The following MSR1 variants were observed in gnomAD, a reference collection of about 807,000 sequenced individuals.
MSR1 encodes macrophage scavenger receptor 1, also known as macrophage scavenger receptor types I and II.
Under a neutral mutation model 47.2 loss-of-function variants are expected in MSR1, and 53 were observed. That is an observed-to-expected ratio of 1.12 (90% CI 0.90 to 1.41). The LOEUF is 1.41. Ranked by LOEUF, MSR1 falls within the 40% of genes most tolerant of loss-of-function variation. MSR1 has a pLI of 0.00. For synonymous variants in MSR1, 239 were observed against 185.6 expected, an observed-to-expected ratio of 1.29 and a Z score of -2.34; for missense variants, 786 against 546.9, an observed-to-expected ratio of 1.44 and a Z score of -4.36.
chr8:16,130,272 A>G (rs79056463), intron 8 of MSR1, among the ~76,000 whole-genome samples: 14,781 of 152,046 alleles, frequency 0.097, 1,093 homozygotes, highest in South Asian at 0.21. Context: ...CAGATTGAAA[A>G]TTTGTGGTAA....
At chr8:16,170,224 T>G (rs1638383160) in intron 3 of MSR1, among the ~76,000 whole-genome samples, 1 of 151,930 alleles carries the variant, frequency 6.6e-6, no homozygotes, top group Non-Finnish European at 1.5e-5. Flanking sequence ...GGCGGGCGCC[T>G]GCAGGCCCAT....
Position 16,143,650 on chromosome 8 carries a change from C to A in MSR1, c.980-39G>T, listed in dbSNP as rs778532427. On this transcript the variant is annotated intron_variant, in intron 7 of 9. Coordinates refer to ENST00000262101, the MANE Select transcript of MSR1 (RefSeq NM_138715.3). Reference sequence around the variant, plus strand: ...GAAAAATATTTGTTTTTAATCAGGGCAATTCACAATGTTTGCTTTAACTGG... The same window carrying A: ...GAAAAATATTTGTTTTTAATCAGGGAAATTCACAATGTTTGCTTTAACTGG... 11 of 1,511,116 alleles carry A rather than the reference C, an allele frequency of 7.3e-6. No homozygotes were observed. In the Middle Eastern group the frequency reaches 5.2e-4, roughly 71 times the overall value. The allele number at this position is 1,511,116 out of a possible 1,614,324, so 93.6% of individuals were successfully genotyped here.
rs41341748 is a variant in MSR1, at chr8:16,155,085, G to C, written c.877C>G (p.Arg293Gly). ...ATACCTATTGGACCTGGAAATCCTCGTGGACCACTTTCTCCAGTGGGACCT... is the reference window on the plus strand; with the variant it reads ...ATACCTATTGGACCTGGAAATCCTCCTGGACCACTTTCTCCAGTGGGACCT... ...DRGPTGESGPRGFPGPIGPPG... is the reference protein window; with the variant it reads ...DRGPTGESGPGGFPGPIGPPG... Residue 293 changes from arginine (R) to glycine (G), a missense_variant, in exon 6 of 10, where the codon CGA becomes GGA. Physicochemically the swap from Arg to Gly is moderately radical, Grantham distance 125. Coordinates refer to ENST00000262101, the MANE Select transcript of MSR1 (RefSeq NM_138715.3). 18 of 1,611,812 alleles carry C rather than the reference G, an allele frequency of 1.1e-5. No homozygotes were observed. In the African/African-American group the frequency reaches 2.0e-4, roughly 18 times the overall value.
chr8:16,187,966 A>AT (rs1304358947), intron 1 of MSR1, among the ~76,000 whole-genome samples: 15 of 152,182 alleles, frequency 9.9e-5, no homozygotes. Context: ...ATGAGCCTTC[A>AT]TTAGCAGGCA....
At chr8:16,186,099 G>T in intron 1 of MSR1, 1 of 1,355,178 alleles carries the variant, frequency 7.4e-7, no homozygotes, top group Non-Finnish European at 1.0e-6. Flanking sequence ...AAGATTGGCA[G>T]TAATAAATGT....
At chr8:16,129,801 A>G (rs948199722) in intron 8 of MSR1, among the ~76,000 whole-genome samples, 1 of 152,080 alleles carries the variant, frequency 6.6e-6, no homozygotes, top group Non-Finnish European at 1.5e-5. Context: ...TCCAGAGACG[A>G]TCGGCTGAAG....
intron 4 of MSR1, 108 bp from the exon 5 acceptor site, chr8:16,164,359 G>A (rs1216552003): frequency 4.8e-6 from 4 of 840,156 alleles, no homozygotes; most frequent in Admixed American, 4.5e-5. Flanking sequence ...TATTATGGGA[G>A]TTTTATGGAA....
chr8:16,176,171 A>G (rs566244646), intron 2 of MSR1, among the ~76,000 whole-genome samples: 1 of 152,332 alleles, frequency 6.6e-6, no homozygotes, highest in South Asian at 2.1e-4. Context: ...TTTTTATTTT[A>G]AGGTATTGAA....
At chr8:16,111,824 C>T (rs938720643) in intron 9 of MSR1, among the ~76,000 whole-genome samples, 14 of 152,108 alleles carry the variant, frequency 9.2e-5, no homozygotes, top group African/African-American at 3.1e-4. Flanking sequence ...GTTGAGGAAA[C>T]TGAAAATCAG....
At chr8:16,158,147 T>G (rs1224113503) in intron 5 of MSR1, among the ~76,000 whole-genome samples, 7 of 151,984 alleles carry the variant, frequency 4.6e-5, no homozygotes, top group Non-Finnish European at 7.4e-5. Context: ...AATATATGAT[T>G]TATTCTAGTT....
chr8:16,189,388 C>T (rs1397186560), intron 1 of MSR1, among the ~76,000 whole-genome samples: 5 of 96,590 alleles, frequency 5.2e-5, no homozygotes, highest in South Asian at 3.3e-4. Flanking sequence ...TATATAAAAT[C>T]TTATTTTATA....
intron 5 of MSR1, among the ~76,000 whole-genome samples, chr8:16,158,318 TA>T (rs1801066096): frequency 6.6e-6 from 1 of 151,940 alleles, no homozygotes. Flanking sequence ...GATTACTTCT[TA>T]AAAAGGAAAA....
intron 8 of MSR1, among the ~76,000 whole-genome samples, chr8:16,126,470 A>C (rs1307299837): frequency 6.6e-6 from 1 of 152,180 alleles, no homozygotes; most frequent in Non-Finnish European, 1.5e-5. Context: ...AGAAATTAAA[A>C]AAAAATCTGG....
rs936494868 is a variant in MSR1, at chr8:16,108,187, T to C, written c.*1898A>G. ...AGTGTCATAGTACTAGTACTAGTAA[T>C]AGTACTAGTAATAGCAATAGTACTA... is the stretch of plus-strand genomic sequence containing the variant. On this transcript the variant is annotated 3_prime_UTR_variant, in exon 10 of 10. Coordinates refer to ENST00000262101, the MANE Select transcript of MSR1 (RefSeq NM_138715.3). 6.9e-6 allele frequency: 1 copy of C among 144,508 alleles called. No individual in the cohort carries two copies. Among genetic ancestry groups the C allele is most frequent in the Non-Finnish European group, 1.5e-5 (1 of 65,226 alleles). The allele number at this position is 144,508 out of a possible 1,614,324, so 9.0% of individuals were successfully genotyped here.
At chr8:16,185,643 C>A (rs1246463246) in intron 1 of MSR1, among the ~76,000 whole-genome samples, 2 of 152,022 alleles carry the variant, frequency 1.3e-5, no homozygotes, top group Non-Finnish European at 2.9e-5. Context: ...TGATCCATTC[C>A]TTCCATTCTA....
chr8:16,178,065 C>G, intron 1 of MSR1, 73 bp from the exon 2 acceptor site: 1 of 1,189,694 alleles, frequency 8.4e-7, no homozygotes, highest in Non-Finnish European at 1.2e-6. Context: ...ATGTTTTAAA[C>G]TGAAATTTCA....
At chr8:16,120,884 A>T (rs948466838) in intron 8 of MSR1, 4 of 441,156 alleles carry the variant, frequency 9.1e-6, no homozygotes, top group Non-Finnish European at 1.6e-5. Flanking sequence ...TTATATTCCA[A>T]CGAGTTTGAA....
At chr8:16,163,565 A>G (rs1360565439) in intron 5 of MSR1, among the ~76,000 whole-genome samples, 3 of 151,290 alleles carry the variant, frequency 2.0e-5, no homozygotes, top group Non-Finnish European at 4.4e-5. Context: ...ATATATACAT[A>G]TATTTTATTT....
chr8:16,122,981 A>G (rs898906976), intron 8 of MSR1, among the ~76,000 whole-genome samples: 1 of 150,716 alleles, frequency 6.6e-6, no homozygotes, highest in Non-Finnish European at 1.5e-5. Context: ...AGTAGCTACG[A>G]CTACAGGTGC....
Sources: gnomAD v4.1 joint callset for allele counts (sites outside exome capture counted in the v4.1 genomes callset) on GRCh38, gnomAD v4.1.1 for gene constraint, MANE v1.5 for transcripts, NCBI Gene and HGNC (gene_info 2026-07-23, HGNC 2026-07-21) for gene names.